Variants in ELF4 observed in about 807,000 individuals in gnomAD.
ELF4 encodes ETS-related transcription factor Elf-4.
A neutral mutation model predicts 31.7 loss-of-function variants in ELF4; 10 were observed. The observed-to-expected ratio is 0.32, with a 90% CI of 0.19 to 0.54. ELF4 has a LOEUF of 0.54. Ranked by LOEUF, ELF4 falls within the 20% of genes least tolerant of loss-of-function variation. The pLI is 0.95. For synonymous variants in ELF4, 208 were observed against 226.7 expected, an observed-to-expected ratio of 0.92 and a Z score of 0.74; for missense variants, 418 against 522.0, an observed-to-expected ratio of 0.80 and a Z score of 1.94.
In ELF4 at chrX:130,068,788, C is replaced by T. The variant is rs1256750049; in HGVS notation, c.1187+512G>A. ...GACGCCCTGGTGGCTCCCTGGGGAG[C>T]CCCTCTCGTGTAAGCCCCCGGATGT... On this transcript the variant is annotated intron_variant, in intron 8 of 8. Coordinates refer to ENST00000308167, the MANE Select transcript of ELF4 (RefSeq NM_001421.4). Among the ~76,000 whole-genome samples, 3 of 112,343 alleles carry T rather than the reference C, an allele frequency of 2.7e-5. No individual in the cohort carries two copies. In the Admixed American group the frequency reaches 2.8e-4, roughly 11 times the overall value.
rs368975642 is a variant in ELF4 at position 130,067,188 on chromosome X, G to A, written c.1525C>T (p.Pro509Ser). The A allele has an allele frequency of 3.2e-5, 39 of 1,208,095 alleles. 1 individual carries two copies. Among genetic ancestry groups the A allele is most frequent in the Non-Finnish European group, 2.2e-6 (2 of 893,740 alleles). ...GGGGGCTGAGAGCTGGGCCCTGCTGGTCCAGCCCCTGTGACCGTGGGTGGC... is the reference window on the plus strand; with the variant it reads ...GGGGGCTGAGAGCTGGGCCCTGCTGATCCAGCCCCTGTGACCGTGGGTGGC... ...PAPPTVTGAG[P>S]AGPSSQPPGT... The change falls in exon 9 of 9, where the codon CCA (proline) becomes TCA (serine). Residue 509 changes from proline to serine, a missense_variant. By Grantham distance (74) the Pro-to-Ser change is moderately conservative. Around this residue, in one of 4 missense-constraint regions of ELF4, gnomAD observed 260 missense variants for 269.2 expected, o/e 0.97. Transcript: ENST00000308167.
At chrX:130,089,509 C>CAAAAAAAAAAAAA (rs777456574) in intron 1 of ELF4, among the ~76,000 whole-genome samples, 1 of 19,456 alleles carries the variant, frequency 5.1e-5, no homozygotes, top group Non-Finnish European at 7.5e-5. Flanking sequence ...GACCTCAGCT[C>CAAAAAAAAAAAAA]AAAAAAAAAA....
At chrX:130,096,562 T>G (rs1019399786) in intron 1 of ELF4, among the ~76,000 whole-genome samples, 115 of 111,960 alleles carry the variant, frequency 1.0e-3, no homozygotes, top group African/African-American at 3.3e-3. Flanking sequence ...ACTACTGAAG[T>G]GTATGCTTTA....
intron 1 of ELF4, among the ~76,000 whole-genome samples, chrX:130,103,781 C>A (rs1234858506): frequency 3.6e-5 from 4 of 112,366 alleles, no homozygotes; most frequent in Non-Finnish European, 7.5e-5. Flanking sequence ...GAGTGCTTTA[C>A]TCAGGGGTGG....
intron 5 of ELF4, 60 bp downstream of exon 5, chrX:130,072,166 C>G: frequency 8.3e-6 from 9 of 1,083,325 alleles, no homozygotes; most frequent in Non-Finnish European, 1.0e-5. Context: ...GCCCTGACCG[C>G]CCCCCCACGC....
chrX:130,091,695 A>C (rs544613558), intron 1 of ELF4, among the ~76,000 whole-genome samples: 91 of 111,513 alleles, frequency 8.2e-4, no homozygotes, highest in Non-Finnish European at 1.5e-3. Context: ...ATCAGAAAGA[A>C]GGTCCTGGGC....
In ELF4 at chrX:130,067,269, T is replaced by C; in HGVS notation, c.1444A>G (p.Ile482Val). 8.3e-7 allele frequency: 1 copy of C among 1,211,913 alleles called. No homozygotes were observed. Residue 482 changes from isoleucine (I) to valine (V), a missense_variant, in exon 9 of 9, where the codon ATT becomes GTT. Transcript: ENST00000308167. Reference sequence around the variant, plus strand: ...AGAAGTTGGGGGAGGCCACTGAGAATCAGTGGAGCCCCTGGGGCTGCCACC... The same window carrying C: ...AGAAGTTGGGGGAGGCCACTGAGAACCAGTGGAGCCCCTGGGGCTGCCACC... ...SQVAAPGAPLILSGLPQLLAG... is the reference protein window; with the variant it reads ...SQVAAPGAPLVLSGLPQLLAG...
intron 1 of ELF4, among the ~76,000 whole-genome samples, chrX:130,099,039 G>A (rs963211516): frequency 8.9e-6 from 1 of 112,554 alleles, no homozygotes; most frequent in Non-Finnish European, 1.9e-5. Context: ...AATTTTAACT[G>A]TCCTTCTAGG....
chrX:130,064,374 G>A lies in ELF4; in HGVS notation c.*2347C>T, dbSNP rs1932616654. 8.9e-6 allele frequency among the ~76,000 whole-genome samples: 1 copy of A among 112,065 alleles called. No homozygotes were observed. Among genetic ancestry groups the A allele is most frequent in the Admixed American group, 9.5e-5 (1 of 10,569 alleles). On this transcript the variant is annotated 3_prime_UTR_variant, in exon 9 of 9. Transcript: ENST00000308167. ...AATCACTTGAGCCTGGGAGGCAGAG[G>A]TTGCAGTGAACCGAGATTGCACCAC...
chrX:130,082,429 T>C (rs2124622528), intron 1 of ELF4, among the ~76,000 whole-genome samples: 1 of 112,053 alleles, frequency 8.9e-6, no homozygotes, highest in South Asian at 3.7e-4. Flanking sequence ...AAGAGTGAAC[T>C]GTCACCCTGG....
At position 130,066,692 on chromosome X, in the gene ELF4, G is replaced by C; in HGVS notation, c.*29C>G. 8.3e-7 allele frequency: 1 copy of C among 1,198,255 alleles called. No homozygotes were observed. Among genetic ancestry groups the C allele is most frequent in the Non-Finnish European group, 1.1e-6 (1 of 885,560 alleles). On this transcript the variant is annotated 3_prime_UTR_variant, in exon 9 of 9. Coordinates refer to ENST00000308167, the MANE Select transcript of ELF4 (RefSeq NM_001421.4). ...TGAAAATGCTGCTCAATTTTGCCTG[G>C]TGGGTCACACTTGCCCTGACCCCTT...
chrX:130,083,192 CG>C (rs1205077639), intron 1 of ELF4, among the ~76,000 whole-genome samples: 4 of 105,729 alleles, frequency 3.8e-5, no homozygotes, highest in African/African-American at 1.0e-4. Context: ...TCCCTTTGGA[CG>C]AGTGAGAGGC....
In ELF4 at chrX:130,081,324, T is replaced by C. The variant is rs1413024926; in HGVS notation, c.7A>G (p.Ile3Val). Residue 3 changes from isoleucine (I) to valine (V), a missense_variant, in exon 2 of 9, where the codon ATT becomes GTT. Ile to Val is a conservative substitution (Grantham distance 29). Transcript: ENST00000308167. MA[I>V]TLQPSDLIFE... is the part of the protein sequence containing the mutation. ...ATCAGGTCACTGGGCTGTAGGGTAA[T>C]AGCCATGCTGTCTTTTCAGAGAGCT... is the stretch of plus-strand genomic sequence containing the variant. 8.3e-7 allele frequency: 1 copy of C among 1,210,453 alleles called. No individual in the cohort carries two copies. Among genetic ancestry groups the C allele is most frequent in the Non-Finnish European group, 1.1e-6 (1 of 895,082 alleles).
chrX:130,071,048 C>T lies in ELF4; in HGVS notation c.801G>A (p.Arg267=). The change falls in exon 7 of 9, where the codon CGG becomes CGA. Residue 267 remains arginine, a synonymous_variant. Coordinates refer to ENST00000308167, the MANE Select transcript of ELF4 (RefSeq NM_001421.4). ...ATCCCAACAGCTCCTACCTTAGTGC[C>T]CGCCCCATTGTCTCATAGTTCATGT... ...KPDMNYETMG[R]ALRYYYQRGI... is the part of the protein sequence containing the mutation. 8.3e-7 allele frequency: 1 copy of T among 1,211,882 alleles called. No individual in the cohort carries two copies. Among genetic ancestry groups the T allele is most frequent in the Non-Finnish European group, 1.1e-6 (1 of 895,521 alleles).
At chrX:130,085,050 G>A (rs1932941210) in intron 1 of ELF4, among the ~76,000 whole-genome samples, 1 of 111,964 alleles carries the variant, frequency 8.9e-6, no homozygotes, top group Non-Finnish European at 1.9e-5. Flanking sequence ...CACTTGGCTC[G>A]GGGAATTGAG....
chrX:130,076,311 G>A (rs943330505), intron 2 of ELF4, among the ~76,000 whole-genome samples: 2 of 111,121 alleles, frequency 1.8e-5, no homozygotes, highest in Admixed American at 9.5e-5. Context: ...CATCGCTTGA[G>A]CCTAGGAGTT....
intron 1 of ELF4, among the ~76,000 whole-genome samples, chrX:130,104,907 C>G (rs956295233): frequency 2.7e-5 from 3 of 110,978 alleles, no homozygotes; most frequent in Non-Finnish European, 5.7e-5. Flanking sequence ...GCCTGTAATC[C>G]CAGCACTTTG....
chrX:130,093,152 TC>T (rs1190720112), intron 1 of ELF4, among the ~76,000 whole-genome samples: 1 of 109,982 alleles, frequency 9.1e-6, no homozygotes, highest in Non-Finnish European at 1.9e-5. Flanking sequence ...AGGCACTCTG[TC>T]CCCCAGGTTG....
In ELF4 at chrX:130,070,941, T is replaced by G. The variant is rs749877514; in HGVS notation, c.809+99A>C. The G allele has an allele frequency of 3.6e-6, 4 of 1,097,059 alleles. No individual in the cohort carries two copies. The African/African-American group carries it at 7.3e-5, about 20-fold the overall frequency. The allele number at this position is 1,097,059 out of a possible 1,213,427, so 90.4% of individuals were successfully genotyped here. On this transcript the variant is annotated intron_variant, in intron 7 of 8. Coordinates refer to ENST00000308167, the MANE Select transcript of ELF4 (RefSeq NM_001421.4). The stretch of plus-strand genomic sequence containing the variant: ...AGTTACGAGACTCGTTTCCTTAGGA[T>G]CAATCAGGTCTCCATGAAAGCGAGG...
Sources: allele counts gnomAD v4.1 joint callset (sites outside exome capture counted in the v4.1 genomes callset), GRCh38; gene constraint gnomAD v4.1.1; regional missense constraint gnomAD v4.1.1; transcripts MANE v1.5; gene names NCBI Gene and HGNC (gene_info 2026-07-23, HGNC 2026-07-21).